NCOR2: variants seen among roughly 807,000 people sequenced by gnomAD.
The protein encoded by NCOR2 is nuclear receptor corepressor 2, also known as CTG repeat protein 26.
Under a neutral mutation model 262.9 loss-of-function variants are expected in NCOR2, and 81 were observed. The observed-to-expected ratio is 0.31, with a 90% CI of 0.26 to 0.37. The LOEUF is 0.37. Among genes scored for constraint, NCOR2 ranks in the 10% least tolerant of loss-of-function variants. The pLI is 1.00. For missense variants in NCOR2, 3,385 were observed against 3,621.4 expected (o/e 0.93, Z 1.68); for synonymous variants, 1,659 against 1,559.3 (o/e 1.06, Z -1.51).
At chr12:124,441,294 A>G (rs1248997604) in intron 7 of NCOR2, among the ~76,000 whole-genome samples, 2 of 152,222 alleles carry the variant, frequency 1.3e-5, no homozygotes, top group Non-Finnish European at 2.9e-5. Context: ...AAGGACACAG[A>G]ACCCAGCCTG....
chr12:124,345,869 C>T lies in NCOR2; in HGVS notation c.4359+695G>A, dbSNP rs144195331. On this transcript the variant is annotated intron_variant, in intron 31 of 46. Coordinates refer to ENST00000405201, the Ensembl canonical transcript of NCOR2. ...CAGCCCCGTGGTGGCTCCCATTCTC[C>T]TTCCCCTTCACAAGAGGCCACCTCT... is the stretch of plus-strand genomic sequence containing the variant. 7.8e-3 allele frequency among the ~76,000 whole-genome samples: 1,193 copies of T among 152,302 alleles called. 15 individuals carry two copies. Among genetic ancestry groups the T allele is most frequent in the African/African-American group, 0.023 (950 of 41,552 alleles).
intron 1 of NCOR2, among the ~76,000 whole-genome samples, chr12:124,527,367 G>T (rs1454889956): frequency 6.6e-6 from 1 of 152,188 alleles, no homozygotes; most frequent in African/African-American, 2.4e-5. Flanking sequence ...GTAAAGAGGG[G>T]ATGATGATAA....
At chr12:124,545,664 G>A (rs11611313) in intron 1 of NCOR2, among the ~76,000 whole-genome samples, 7,913 of 152,286 alleles carry the variant, frequency 0.052, 279 homozygotes, top group East Asian at 0.099. Flanking sequence ...CTGGGGTCAG[G>A]GCCCTGAGTC....
intron 20 of NCOR2, among the ~76,000 whole-genome samples, chr12:124,368,013 C>T (rs1196115957): frequency 6.6e-6 from 1 of 152,232 alleles, no homozygotes; most frequent in Non-Finnish European, 1.5e-5. Context: ...CTCTCAGGGC[C>T]TGGCACAGAG....
rs929195552 is a variant in NCOR2, at chr12:124,482,279, G to T, written c.411+1317C>A. ...CCTGGCCCCAGAGGCAGCCCTGTGG[G>T]TATCTGGCAGGTGTGCAGGTGTCGG... On this transcript the variant is annotated intron_variant, in intron 3 of 46. Coordinates refer to ENST00000405201, the Ensembl canonical transcript of NCOR2. The surrounding 1 kb of genome is among the most constrained non-coding windows in gnomAD (Gnocchi z 6.3). Among the ~76,000 whole-genome samples the T allele has an allele frequency of 6.6e-6, 1 of 152,004 alleles. No homozygotes were observed. The highest frequency in any genetic ancestry group is 2.4e-5 in the African/African-American group (1 of 41,374).
rs145532074 is a variant in NCOR2, at chr12:124,544,857, T to C, written c.-164-9246A>G. On this transcript the variant is annotated intron_variant, in intron 1 of 32. Transcript: ENST00000458234. ...TTGGCAGGAGACTGCGACCCCTGTG[T>C]GTGCTGCTCAACTTCGCAGAGGCAG... Among the ~76,000 whole-genome samples, 1,130 of 151,738 alleles carry C rather than the reference T, an allele frequency of 7.4e-3. 10 individuals carry two copies. Among genetic ancestry groups the C allele is most frequent in the African/African-American group, 0.016 (668 of 41,366 alleles).
intron 5 of NCOR2, among the ~76,000 whole-genome samples, chr12:124,465,498 A>ACTATAGCTGCCCC (rs2136628570): frequency 6.6e-6 from 1 of 152,070 alleles, no homozygotes; most frequent in African/African-American, 2.4e-5. Context: ...GACCAGACCC[A>ACTATAGCTGCCCC]CTATAGCTGC....
At chr12:124,371,128 T>C (rs1265885291) in intron 20 of NCOR2, among the ~76,000 whole-genome samples, 1 of 152,056 alleles carries the variant, frequency 6.6e-6, no homozygotes, top group Non-Finnish European at 1.5e-5. Flanking sequence ...GAGAGGCTCG[T>C]AAAGGCCTTC....
chr12:124,455,681 G>A (rs974768334), intron 6 of NCOR2, among the ~76,000 whole-genome samples: 1 of 152,234 alleles, frequency 6.6e-6, no homozygotes, highest in African/African-American at 2.4e-5. Context: ...TAGGGACCAG[G>A]AGCTGCACTA....
chr12:124,465,698 T>C (rs2046381003), intron 5 of NCOR2, among the ~76,000 whole-genome samples: 1 of 152,018 alleles, frequency 6.6e-6, no homozygotes, highest in African/African-American at 2.4e-5. Context: ...ACAAGTCACT[T>C]AACCTCTCTG....
At chr12:124,434,051 G>A in intron 8 of NCOR2, among the ~76,000 whole-genome samples, 1 of 152,134 alleles carries the variant, frequency 6.6e-6, no homozygotes, top group East Asian at 1.9e-4. Context: ...CAGTCTCTCA[G>A]CCAACTGGGC....
chr12:124,555,391 G>A (rs975163236), intron 1 of NCOR2, among the ~76,000 whole-genome samples: 1 of 152,168 alleles, frequency 6.6e-6, no homozygotes, highest in Admixed American at 6.5e-5. Context: ...AGCCCAGGGA[G>A]CCCGAGCAAG....
intron 37 of NCOR2, chr12:124,337,413 G>C: frequency 2.9e-6 from 2 of 698,092 alleles, no homozygotes; most frequent in Admixed American, 2.0e-5. Context: ...GCAGCTACTA[G>C]GTGCCAGGCA....
rs73419869 is a variant in NCOR2, at chr12:124,352,875, T to C, written c.3693+1218A>G. ...GCCCCAATGAACTCTACTCCCAAGA[T>C]GGGCAGGAAGTCCCTGGAGGATCAG... On this transcript the variant is annotated intron_variant, in intron 27 of 46. Transcript: ENST00000405201. Among the ~76,000 whole-genome samples, 535 of 152,306 alleles carry C rather than the reference T, an allele frequency of 3.5e-3. 4 individuals carry two copies. The highest frequency in any genetic ancestry group is 0.012 in the African/African-American group (486 of 41,566).
At chr12:124,343,883 C>T (rs2036679387) in intron 32 of NCOR2, among the ~76,000 whole-genome samples, 1 of 152,206 alleles carries the variant, frequency 6.6e-6, no homozygotes, top group South Asian at 2.1e-4. Context: ...CTGCCTTGAC[C>T]TCCCAAACTG....
At chr12:124,433,845 T>TACACACAC (rs1204258133) in intron 8 of NCOR2, among the ~76,000 whole-genome samples, 4 of 18,276 alleles carry the variant, frequency 2.2e-4, no homozygotes, top group African/African-American at 2.8e-4. Flanking sequence ...CTCTCTGTCT[T>TACACACAC]ACACACACAC....
intron 16 of NCOR2, among the ~76,000 whole-genome samples, chr12:124,391,297 C>T (rs960257229): frequency 1.3e-5 from 2 of 152,214 alleles, no homozygotes; most frequent in Non-Finnish European, 2.9e-5. Context: ...CAGTCACCTC[C>T]AGCCTTGACG....
rs532693544 is a variant in NCOR2 at position 124,325,597 on chromosome 12, C to T, written c.7364-14G>A. The T allele has an allele frequency of 4.7e-6, 6 of 1,268,736 alleles. No homozygotes were observed. The highest frequency in any genetic ancestry group is 4.2e-5 in the Admixed American group (1 of 23,982). The allele number at this position is 1,268,736 out of a possible 1,614,324, so 78.6% of individuals were successfully genotyped here. The stretch of plus-strand genomic sequence containing the variant: ...ATGGCGTGGAACCTGCGGGAAGAAG[C>T]GAAAGATGCCCAGGAGGCCTCTGTG... On this transcript the variant is annotated splice_polypyrimidine_tract_variant and intron_variant, in intron 46 of 46. Coordinates refer to ENST00000405201, the Ensembl canonical transcript of NCOR2.
chr12:124,417,092 C>CCACGGAGAGCAGACCAGACACTCACTG (rs2042925072), intron 13 of NCOR2, among the ~76,000 whole-genome samples: 2 of 151,596 alleles, frequency 1.3e-5, no homozygotes, highest in Non-Finnish European at 2.9e-5. Context: ...GACAGTCACT[C>CCACGGAGAGCAGACCAGACACTCACTG]CACGGAGAGC....
Sources: allele counts gnomAD v4.1 joint callset (sites outside exome capture counted in the v4.1 genomes callset), GRCh38; gene constraint gnomAD v4.1.1; non-coding constraint Gnocchi (gnomAD v3.1); transcripts MANE v1.5; gene names NCBI Gene and HGNC (gene_info 2026-07-23, HGNC 2026-07-21).